STX8: variants seen among roughly 807,000 people sequenced by gnomAD.
The protein encoded by STX8 is syntaxin 8.
Under a neutral mutation model 37.5 loss-of-function variants are expected in STX8, and 23 were observed. That is an observed-to-expected ratio of 0.61 (90% confidence interval 0.44 to 0.87). The LOEUF (loss-of-function observed/expected upper bound fraction) is 0.87. Ranked by LOEUF, STX8 falls within the 40% of genes least tolerant of loss-of-function variation. The pLI is 0.00. For synonymous variants in STX8, 115 were observed against 99.1 expected (o/e 1.16, Z -0.95); for missense variants, 313 against 284.7 (o/e 1.10, Z -0.71).
At chr17:9,361,673 A>T (rs1911068363) in intron 7 of STX8, among the ~76,000 whole-genome samples, 1 of 152,230 alleles carries the variant, frequency 6.6e-6, no homozygotes, top group African/African-American at 2.4e-5. Context: ...TTCAACTTTT[A>T]ACAGTGATTG....
At chr17:9,278,986 C>G (rs974962253) in intron 7 of STX8, among the ~76,000 whole-genome samples, 1 of 152,202 alleles carries the variant, frequency 6.6e-6, no homozygotes, top group South Asian at 2.1e-4. Context: ...TTCCATACCC[C>G]TCTCTAATCC....
chr17:9,398,190 G>C (rs1223624747), intron 6 of STX8, among the ~76,000 whole-genome samples: 1 of 152,112 alleles, frequency 6.6e-6, no homozygotes, highest in East Asian at 1.9e-4. Flanking sequence ...GTAACTTCGA[G>C]GTGGAGAAGC....
At chr17:9,538,333 TAAC>T (rs918416061) in intron 4 of STX8, among the ~76,000 whole-genome samples, 25 of 152,340 alleles carry the variant, frequency 1.6e-4, no homozygotes, top group African/African-American at 4.1e-4. Context: ...GGTCACGTGG[TAAC>T]AACATTAAGC....
At chr17:9,258,267 G>C (rs1906878147) in intron 7 of STX8, among the ~76,000 whole-genome samples, 1 of 152,254 alleles carries the variant, frequency 6.6e-6, no homozygotes, top group African/African-American at 2.4e-5. Flanking sequence ...AGCAGGAGAA[G>C]AGACAAAACT....
chr17:9,440,525 A>ATTTT (rs546756533), intron 6 of STX8, among the ~76,000 whole-genome samples: 13 of 99,794 alleles, frequency 1.3e-4, no homozygotes, highest in African/African-American at 4.9e-4. Flanking sequence ...TGAATCAATG[A>ATTTT]TTTTTTTTTT....
chr17:9,401,633 C>T (rs1163844958), intron 6 of STX8, among the ~76,000 whole-genome samples: 1 of 152,202 alleles, frequency 6.6e-6, no homozygotes, highest in Non-Finnish European at 1.5e-5. Context: ...TCAGGTCTAA[C>T]TCCAGACTAA....
At chr17:9,462,159 G>C (rs933856384) in intron 6 of STX8, among the ~76,000 whole-genome samples, 13 of 152,070 alleles carry the variant, frequency 8.5e-5, no homozygotes, top group African/African-American at 3.1e-4. Flanking sequence ...AGAGAATCAG[G>C]GGAACAAACA....
intron 5 of STX8, among the ~76,000 whole-genome samples, chr17:9,504,644 A>G (rs1326000601): frequency 6.6e-6 from 1 of 151,858 alleles, no homozygotes; most frequent in Non-Finnish European, 1.5e-5. Context: ...TTTCACTCCA[A>G]TTTTCAATGG....
chr17:9,305,798 G>A (rs973960970), intron 7 of STX8: 18 of 143,118 alleles, frequency 1.3e-4, no homozygotes, highest in African/African-American at 4.2e-4. Flanking sequence ...AAGCTGGAGT[G>A]CAGTGGCATG....
intron 6 of STX8, among the ~76,000 whole-genome samples, chr17:9,428,879 G>A (rs1200884191): frequency 1.3e-5 from 2 of 152,168 alleles, no homozygotes; most frequent in Non-Finnish European, 2.9e-5. Flanking sequence ...CTACTATAGT[G>A]GACAACACCG....
intron 6 of STX8, among the ~76,000 whole-genome samples, chr17:9,472,714 G>T (rs1442740938): frequency 2.6e-5 from 4 of 152,224 alleles, no homozygotes; most frequent in Non-Finnish European, 5.9e-5. Context: ...AGGAACAGCG[G>T]TGAATGAAGT....
chr17:9,414,021 T>C (rs1476306814), intron 6 of STX8, among the ~76,000 whole-genome samples: 9 of 141,854 alleles, frequency 6.3e-5, no homozygotes, highest in Non-Finnish European at 7.7e-5. Flanking sequence ...CATCCATCCA[T>C]CCATCCATCC....
At chr17:9,292,622 C>T (rs1908354771) in intron 7 of STX8, among the ~76,000 whole-genome samples, 1 of 152,202 alleles carries the variant, frequency 6.6e-6, no homozygotes, top group Non-Finnish European at 1.5e-5. Context: ...GAGTTTCCTC[C>T]TCTCACCTCC....
intron 7 of STX8, among the ~76,000 whole-genome samples, chr17:9,359,696 G>A (rs531114182): frequency 6.6e-6 from 1 of 151,914 alleles, no homozygotes; most frequent in Non-Finnish European, 1.5e-5. Flanking sequence ...TTTTAGTAGA[G>A]ACAGGGTTTC....
chr17:9,326,170 A>G (rs768876934), intron 7 of STX8, among the ~76,000 whole-genome samples: 8 of 151,084 alleles, frequency 5.3e-5, no homozygotes, highest in Non-Finnish European at 1.0e-4. Flanking sequence ...TCACTCTGTC[A>G]TCCAGGCTAG....
chr17:9,314,874 C>T lies in STX8; in HGVS notation c.643+63678G>A, dbSNP rs1476992808. On this transcript the variant is annotated intron_variant, in intron 7 of 7. Transcript: ENST00000306357. ...ATCCCAGCACTTTGGGAGGCCGAGG[C>T]GGGCAGATCACGAGGTCAAGAGATC... Among the ~76,000 whole-genome samples the T allele has an allele frequency of 4.7e-5, 7 of 150,310 alleles. No homozygotes were observed. In the East Asian group the frequency reaches 1.2e-3, roughly 26 times the overall value.
intron 7 of STX8, among the ~76,000 whole-genome samples, chr17:9,307,901 G>A (rs1909056811): frequency 6.6e-6 from 1 of 152,048 alleles, no homozygotes; most frequent in African/African-American, 2.4e-5. Flanking sequence ...ACCTAGAAAG[G>A]TCACTCTCTC....
chr17:9,322,814 T>TAAAAAA (rs59941529), intron 7 of STX8, among the ~76,000 whole-genome samples: 12 of 64,704 alleles, frequency 1.9e-4, no homozygotes, highest in African/African-American at 5.7e-4. Flanking sequence ...GTGCATTTGC[T>TAAAAAA]AAAAAAAAAA....
intron 6 of STX8, among the ~76,000 whole-genome samples, chr17:9,487,098 C>A (rs1906631194): frequency 6.6e-6 from 1 of 152,142 alleles, no homozygotes; most frequent in Non-Finnish European, 1.5e-5. Flanking sequence ...GGCATAGGAA[C>A]AGGGTAATTA....
Sources: allele counts gnomAD v4.1 joint callset (sites outside exome capture counted in the v4.1 genomes callset), GRCh38; gene constraint gnomAD v4.1.1; transcripts MANE v1.5; gene names NCBI Gene and HGNC (gene_info 2026-07-23, HGNC 2026-07-21).